The following KEAP1 variants were observed in gnomAD, a reference collection of about 807,000 sequenced individuals.
KEAP1 encodes kelch like ECH associated protein 1.
In KEAP1, 26 loss-of-function variants were observed where a neutral mutation model predicts 59.7. That is an observed-to-expected ratio of 0.44 (90% CI 0.32 to 0.60). The LOEUF is 0.60. KEAP1 is among the 20% of genes least tolerant of loss of function. The pLI is 0.06. For synonymous variants in KEAP1, 350 were observed against 358.3 expected (o/e 0.98, Z 0.26); for missense variants, 539 against 871.4 (o/e 0.62, Z 4.80).
rs1048453398 is a variant in KEAP1 at position 10,502,491 on chromosome 19, T to C, written c.-48+750A>G. 1 of 152,202 alleles carries C rather than the reference T, an allele frequency of 6.6e-6. No individual in the cohort carries two copies. The highest frequency in any genetic ancestry group is 1.5e-5 in the Non-Finnish European group (1 of 68,122). 9.4% of individuals were successfully genotyped at this position (152,202 alleles called of 1,614,324 possible). A position where few individuals can be genotyped will look rare whatever the true frequency, so the allele number is the denominator to read the frequency against. On this transcript the variant is annotated intron_variant, in intron 1 of 5. Coordinates refer to ENST00000171111, the MANE Select transcript of KEAP1 (RefSeq NM_203500.2). This position sits in a 1 kb window ranked among gnomAD's most constrained non-coding sequence, Gnocchi z 4.0. ...AGCGCCTCCTGGTTCTCTCGCTCGG[T>C]TTCCGCCGCTCCCGGGCCACCCCAA...
At chr19:10,488,668 C>A (rs1030318578) in intron 5 of KEAP1, among the ~76,000 whole-genome samples, 7 of 151,880 alleles carry the variant, frequency 4.6e-5, no homozygotes, top group Non-Finnish European at 8.8e-5. Flanking sequence ...CGCGGTGGCT[C>A]ATGCCTCTAA....
In KEAP1 at chr19:10,486,918, C is replaced by G. The variant is rs766141061; in HGVS notation, c.1709-100G>C. 1.1e-5 allele frequency: 14 copies of G among 1,300,538 alleles called. No individual in the cohort carries two copies. The African/African-American group carries it at 1.9e-4, about 18-fold the overall frequency. The allele number at this position is 1,300,538 out of a possible 1,614,324, so 80.6% of individuals were successfully genotyped here. ...GCAGCTGTGAGATGCAAAAGCAGGC[C>G]GGGCGTGGTGGCTCACGCCTATAAT... On this transcript the variant is annotated intron_variant, in intron 5 of 5. Transcript: ENST00000171111.
chr19:10,496,005 C>T (rs1371449879), intron 2 of KEAP1, among the ~76,000 whole-genome samples: 1 of 150,204 alleles, frequency 6.7e-6, no homozygotes, highest in Non-Finnish European at 1.5e-5. Context: ...GGCAACATAG[C>T]GAGACCTCAT....
Position 10,487,036 on chromosome 19 carries a change from T to TA in KEAP1, c.1709-219dup, listed in dbSNP as rs35072591. ...ACATAGCAAAACCTTAGTCTCTTACTAAAAAAAAAAAAAAAAAAAAAAAAT... is the reference window on the plus strand; with the variant it reads ...ACATAGCAAAACCTTAGTCTCTTACTAAAAAAAAAAAAAAAAAAAAAAAAAT... On this transcript the variant is annotated intron_variant, in intron 5 of 5. Transcript: ENST00000171111. 2.9e-3 allele frequency among the ~76,000 whole-genome samples: 264 copies of TA among 91,986 alleles called. 2 individuals carry two copies. Among genetic ancestry groups the TA allele is most frequent in the Middle Eastern group, 6.0e-3 (1 of 166 alleles). The allele number at this position is 91,986 out of a possible 152,430, so 60.3% of individuals were successfully genotyped here.
Position 10,489,226 on chromosome 19 carries a change from C to G in KEAP1, c.1674G>C (p.Gly558=), listed in dbSNP as rs2144586216. 6.2e-7 allele frequency: 1 copy of G among 1,612,382 alleles called. No homozygotes were observed. Among genetic ancestry groups the G allele is most frequent in the Non-Finnish European group, 8.5e-7 (1 of 1,179,934 alleles). The change falls in exon 5 of 6, where the codon GGG becomes GGC. Residue 558 remains glycine, a synonymous_variant. Coordinates refer to ENST00000171111, the MANE Select transcript of KEAP1 (RefSeq NM_203500.2). The part of the protein sequence containing the change: ...APMKHRRSAL[G]ITVHQGRIYV... ...AGATTCTCCCCTGGTGGACAGTGAT[C>G]CCCAGGGCACTTCGCCGGTGCTTCA...
intron 1 of KEAP1, among the ~76,000 whole-genome samples, chr19:10,501,873 G>A (rs1915057117): frequency 6.6e-6 from 1 of 152,066 alleles, no homozygotes; most frequent in Non-Finnish European, 1.5e-5. Context: ...AGGAGTGGGG[G>A]ATCTCCAAGT....
chr19:10,493,562 T>C (rs1372156826), intron 2 of KEAP1, among the ~76,000 whole-genome samples: 1 of 141,796 alleles, frequency 7.1e-6, no homozygotes, highest in Non-Finnish European at 1.5e-5. Flanking sequence ...AAACTCTTTT[T>C]TTTTTTTTTT....
In KEAP1 at chr19:10,499,113, G is replaced by A. The variant is rs1355681724; in HGVS notation, c.639+282C>T. 6.6e-6 allele frequency among the ~76,000 whole-genome samples: 1 copy of A among 152,130 alleles called. No individual in the cohort carries two copies. The highest frequency in any genetic ancestry group is 6.6e-5 in the Admixed American group (1 of 15,258). The stretch of plus-strand genomic sequence containing the variant: ...GCCTCCCAAAGTGTTGGGATTACAG[G>A]CATGAGCCACCACGCCCGGCCCCAG... On this transcript the variant is annotated intron_variant, in intron 2 of 5. Transcript: ENST00000171111. The surrounding 1 kb of genome is among the most constrained non-coding windows in gnomAD (Gnocchi z 6.7).
Position 10,492,248 on chromosome 19 carries a change from C to G in KEAP1, c.654G>C (p.Glu218Asp). 1.9e-6 allele frequency: 3 copies of G among 1,611,020 alleles called. No homozygotes were observed. Among genetic ancestry groups the G allele is most frequent in the Non-Finnish European group, 2.5e-6 (3 of 1,177,708 alleles). Reference protein sequence around the residue: ...YMHFGEVAKQEEFFNLSHCQL... With the variant: ...YMHFGEVAKQDEFFNLSHCQL... ...GGCAGTGGGACAGGTTGAAGAACTC[C>G]TCTTGCTTGGCCACCTGCAGAGGGC... Residue 218 changes from glutamate to aspartate, a missense_variant, in exon 3 of 6, where the codon GAG (glutamate) becomes GAC (aspartate). By Grantham distance (45) the Glu-to-Asp change is conservative (BLOSUM62 2). Around this residue, in one of 4 missense-constraint regions of KEAP1, gnomAD observed 1 missense variants for 20.5 expected, o/e 0.05. Coordinates refer to ENST00000171111, the MANE Select transcript of KEAP1 (RefSeq NM_203500.2).
At chr19:10,496,693 T>G (rs1436448757) in intron 2 of KEAP1, among the ~76,000 whole-genome samples, 1 of 151,172 alleles carries the variant, frequency 6.6e-6, no homozygotes, top group Admixed American at 6.6e-5. Flanking sequence ...CCCAGCTACT[T>G]CGGAGGCTGA....
Position 10,486,379 on chromosome 19 carries a change from G to A in KEAP1, c.*273C>T. The A allele has an allele frequency of 7.8e-6, 3 of 383,998 alleles. No individual in the cohort carries two copies. The highest frequency in any genetic ancestry group is 1.4e-5 in the Non-Finnish European group (3 of 211,558). 23.8% of individuals were successfully genotyped at this position (383,998 alleles called of 1,614,324 possible). On this transcript the variant is annotated 3_prime_UTR_variant, in exon 6 of 6. Transcript: ENST00000171111. ...GGGACCCAGGCCTATTACCCGGCCA[G>A]AGGGTTTGGGGGCCTCTCTCCTGGA...
intron 2 of KEAP1, among the ~76,000 whole-genome samples, chr19:10,497,755 G>C (rs887378956): frequency 1.3e-5 from 2 of 152,082 alleles, no homozygotes. Context: ...TTAGCCATGC[G>C]TGGTGCTGCA....
At chr19:10,496,501 C>CG (rs1568400417) in intron 2 of KEAP1, among the ~76,000 whole-genome samples, 1 of 140,840 alleles carries the variant, frequency 7.1e-6, no homozygotes, top group Non-Finnish European at 1.5e-5. Context: ...TCCCCCACCC[C>CG]CAAAAAAAAA....
rs1914956922 is a variant in KEAP1 at position 10,499,311 on chromosome 19, C to T, written c.639+84G>A. ...CTTTTTCTCCAGTTTCCTGCCTTGA[C>T]ATCTCAAGGGGAGACAGTGATGAGC... On this transcript the variant is annotated intron_variant, in intron 2 of 5. Transcript: ENST00000171111. This position sits in a 1 kb window ranked among gnomAD's most constrained non-coding sequence, Gnocchi z 6.7. The T allele has an allele frequency of 1.6e-6, 2 of 1,244,874 alleles. No individual in the cohort carries two copies. The highest frequency in any genetic ancestry group is 2.2e-6 in the Non-Finnish European group (2 of 903,172). The allele number at this position is 1,244,874 out of a possible 1,614,324, so 77.1% of individuals were successfully genotyped here.
intron 2 of KEAP1, chr19:10,492,535 T>C (rs1914710284): frequency 2.4e-6 from 1 of 416,892 alleles, no homozygotes. Context: ...CTGGCCAATA[T>C]GGTGAAACCC....
chr19:10,502,179 A>G lies in KEAP1; in HGVS notation c.-48+1062T>C, dbSNP rs1915065383. 6.6e-6 allele frequency among the ~76,000 whole-genome samples: 1 copy of G among 152,166 alleles called. No individual in the cohort carries two copies. Among genetic ancestry groups the G allele is most frequent in the Non-Finnish European group, 1.5e-5 (1 of 68,016 alleles). ...TAACTGCCCTGCCACCGTGCCTGCC[A>G]GAGCGGCCTCCTCCACCCTCCCTGG... On this transcript the variant is annotated intron_variant, in intron 1 of 5. Coordinates refer to ENST00000171111, the MANE Select transcript of KEAP1 (RefSeq NM_203500.2). This position sits in a 1 kb window ranked among gnomAD's most constrained non-coding sequence, Gnocchi z 4.0.
Position 10,489,407 on chromosome 19 carries a change from T to C in KEAP1, c.1532-39A>G, listed in dbSNP as rs150163644. On this transcript the variant is annotated intron_variant, in intron 4 of 5. Transcript: ENST00000171111. ...TGCAGAGAAGGTGACTCTGGGGGTC[T>C]GGCTTTGGGAACCCCAGCCATCACC... The C allele has an allele frequency of 4.9e-5, 77 of 1,582,552 alleles. No homozygotes were observed. The Middle Eastern group carries it at 1.2e-3, about 24-fold the overall frequency.
chr19:10,486,734 G>A lies in KEAP1; in HGVS notation c.1793C>T (p.Thr598Ile), dbSNP rs142262195. 277 of 1,613,966 alleles carry A rather than the reference G, an allele frequency of 1.7e-4. No individual in the cohort carries two copies. The highest frequency in any genetic ancestry group is 2.3e-4 in the Non-Finnish European group (268 of 1,180,026). The stretch of plus-strand genomic sequence containing the variant: ...CACGCCCACCCCACTCCGGCCCGAT[G>A]TCATTCGGGTCACCTCGCTCCAGGT... Reference protein sequence around the residue: ...TDTWSEVTRMTSGRSGVGVAV... With the variant: ...TDTWSEVTRMISGRSGVGVAV... The change falls in exon 6 of 6, where the codon ACA becomes ATA. Residue 598 changes from threonine (T) to isoleucine (I), a missense_variant. This residue lies in a region of KEAP1 where 311 missense variants were observed against 425.2 expected (regional missense o/e 0.73). Transcript: ENST00000171111.
intron 2 of KEAP1, among the ~76,000 whole-genome samples, chr19:10,496,493 C>T (rs568978863): frequency 1.7e-3 from 244 of 143,974 alleles, no homozygotes; most frequent in Non-Finnish European, 2.9e-3. Flanking sequence ...AGACTCTGTC[C>T]CCCACCCCCA....
Sources: gnomAD v4.1 joint callset for allele counts (sites outside exome capture counted in the v4.1 genomes callset) on GRCh38, gnomAD v4.1.1 for gene constraint, gnomAD v4.1.1 regional missense constraint, Gnocchi (gnomAD v3.1) non-coding constraint, MANE v1.5 for transcripts, NCBI Gene and HGNC (gene_info 2026-07-23, HGNC 2026-07-21) for gene names.